NEURL1B: variants seen among roughly 807,000 people sequenced by gnomAD.
NEURL1B encodes neuralized E3 ubiquitin protein ligase 1B.
In NEURL1B, 13 loss-of-function variants were observed where a neutral mutation model predicts 37.4. That is an observed-to-expected ratio of 0.35 (90% CI 0.23 to 0.55). The LOEUF (loss-of-function observed/expected upper bound fraction) is 0.55. Among genes scored for constraint, NEURL1B ranks in the 20% least tolerant of loss-of-function variants. NEURL1B has a pLI of 0.89. For synonymous variants in NEURL1B, 432 were observed against 426.6 expected (o/e 1.01, Z -0.16); for missense variants, 790 against 879.2 (o/e 0.90, Z 1.28).
chr5:172,684,109 G>A lies in NEURL1B; in HGVS notation c.1268G>A (p.Gly423Asp), dbSNP rs1758430141. 1 of 1,263,054 alleles carries A rather than the reference G, an allele frequency of 7.9e-7. No homozygotes were observed. The allele number at this position is 1,263,054 out of a possible 1,614,324, so 78.2% of individuals were successfully genotyped here. Reference protein sequence around the residue: ...QALWAFFAVRGGVAGQLRLLG... With the variant: ...QALWAFFAVRDGVAGQLRLLG... ...CTCTGGGCCTTCTTCGCCGTGCGCGGCGGCGTCGCGGGCCAGCTGCGTCTC... is the reference window on the plus strand; with the variant it reads ...CTCTGGGCCTTCTTCGCCGTGCGCGACGGCGTCGCGGGCCAGCTGCGTCTC... Residue 423 changes from glycine (G) to aspartate (D), a missense_variant, in exon 3 of 5, where the codon GGC becomes GAC. Physicochemically the swap from Gly to Asp is moderately conservative, Grantham distance 94 (BLOSUM62 -1). Coordinates refer to ENST00000369800, the MANE Select transcript of NEURL1B (RefSeq NM_001142651.3).
Position 172,661,083 on chromosome 5 carries a change from C to T in NEURL1B, c.32-8702C>T, listed in dbSNP as rs1757892627. On this transcript the variant is annotated intron_variant, in intron 1 of 4. Transcript: ENST00000369800. The surrounding 1 kb of genome is among the most constrained non-coding windows in gnomAD (Gnocchi z 4.0). ...TTTCCTCTCTCTAGAGCACAGCCTG[C>T]CCCCCTCACCCCAACACACATGAGC... Among the ~76,000 whole-genome samples the T allele has an allele frequency of 6.6e-6, 1 of 152,150 alleles. No individual in the cohort carries two copies. The highest frequency in any genetic ancestry group is 1.5e-5 in the Non-Finnish European group (1 of 68,024).
At position 172,688,926 on chromosome 5, in the gene NEURL1B, G is replaced by A. The variant is rs556757986; in HGVS notation, c.*2001G>A. ...GACAACCGTCTCCTGTCTACACTGC[G>A]ACCCAGCCACAAGCTGTGGGGTCTC... On this transcript the variant is annotated 3_prime_UTR_variant, in exon 5 of 5. Transcript: ENST00000369800. This position sits in a 1 kb window ranked among gnomAD's most constrained non-coding sequence, Gnocchi z 4.3. The A allele has an allele frequency of 6.6e-6, 1 of 152,222 alleles. No individual in the cohort carries two copies. Among genetic ancestry groups the A allele is most frequent in the East Asian group, 1.9e-4 (1 of 5,190 alleles). 9.4% of individuals were successfully genotyped at this position (152,222 alleles called of 1,614,324 possible). A position where few individuals can be genotyped will look rare whatever the true frequency, so the allele number is the denominator to read the frequency against.
chr5:172,691,329 C>G lies in NEURL1B; in HGVS notation c.*4404C>G, dbSNP rs1354374761. Reference sequence around the variant, plus strand: ...TAAAACATGTCTTCTTTTTCTGATTCAATACTGTGACCTCTCCGATACAGT... The same window carrying G: ...TAAAACATGTCTTCTTTTTCTGATTGAATACTGTGACCTCTCCGATACAGT... On this transcript the variant is annotated 3_prime_UTR_variant, in exon 5 of 5. Transcript: ENST00000369800. 6.6e-6 allele frequency: 1 copy of G among 152,216 alleles called. No individual in the cohort carries two copies. The allele number at this position is 152,216 out of a possible 1,614,324, so 9.4% of individuals were successfully genotyped here.
At chr5:172,672,614 A>G (rs1428062909) in intron 2 of NEURL1B, among the ~76,000 whole-genome samples, 1 of 144,752 alleles carries the variant, frequency 6.9e-6, no homozygotes, top group Non-Finnish European at 1.5e-5. Context: ...AGGGAGAGGT[A>G]GAGTCTGCTG....
chr5:172,641,295 T>C lies in NEURL1B; in HGVS notation c.-112T>C. The C allele has an allele frequency of 5.1e-6, 5 of 982,606 alleles. No individual in the cohort carries two copies. Among genetic ancestry groups the C allele is most frequent in the African/African-American group, 1.7e-5 (1 of 58,864 alleles). 60.9% of individuals were successfully genotyped at this position (982,606 alleles called of 1,614,324 possible). On this transcript the variant is annotated 5_prime_UTR_variant, in exon 1 of 5. Transcript: ENST00000369800. The surrounding 1 kb of genome is among the most constrained non-coding windows in gnomAD (Gnocchi z 6.4). ...CAGCTGCCGCCCGCCGGCTCGCCCG[T>C]GCAGCTGCGATGCCCCGGAGCGTCG...
chr5:172,643,480 T>C (rs1244535195), intron 1 of NEURL1B, among the ~76,000 whole-genome samples: 1 of 152,202 alleles, frequency 6.6e-6, no homozygotes, highest in African/African-American at 2.4e-5. Flanking sequence ...CCACCCACAG[T>C]CTCATCCTTT....
At chr5:172,648,136 C>T (rs993925861) in intron 1 of NEURL1B, among the ~76,000 whole-genome samples, 1 of 152,222 alleles carries the variant, frequency 6.6e-6, no homozygotes, top group East Asian at 1.9e-4. Flanking sequence ...CCTTCCTTCT[C>T]GGGTCTGAGT....
At position 172,676,828 on chromosome 5, in the gene NEURL1B, C is replaced by T. The variant is rs113399686; in HGVS notation, c.577+6498C>T. Among the ~76,000 whole-genome samples the T allele has an allele frequency of 0.024, 3,682 of 152,320 alleles. 99 individuals are homozygous for T. Among genetic ancestry groups the T allele is most frequent in the African/African-American group, 0.067 (2,772 of 41,542 alleles). Reference sequence around the variant, plus strand: ...GCAGGAAACTCATTTGCAAACTCCACGTGGATAGAGAACTTGGCCAAGGTT... The same window carrying T: ...GCAGGAAACTCATTTGCAAACTCCATGTGGATAGAGAACTTGGCCAAGGTT... On this transcript the variant is annotated intron_variant, in intron 2 of 4. Transcript: ENST00000369800. The surrounding 1 kb of genome is among the most constrained non-coding windows in gnomAD (Gnocchi z 4.5).
At position 172,661,024 on chromosome 5, in the gene NEURL1B, T is replaced by C. The variant is rs895014114; in HGVS notation, c.32-8761T>C. Among the ~76,000 whole-genome samples, 9 of 152,308 alleles carry C rather than the reference T, an allele frequency of 5.9e-5. 1 individual carries two copies. The South Asian group carries it at 1.9e-3, about 32-fold the overall frequency. Reference sequence around the variant, plus strand: ...ACTGATATCTTGGCCCCTCTGGATATGGCGGGAAGCCTTGCTAAATACCAG... The same window carrying C: ...ACTGATATCTTGGCCCCTCTGGATACGGCGGGAAGCCTTGCTAAATACCAG... On this transcript the variant is annotated intron_variant, in intron 1 of 4. Coordinates refer to ENST00000369800, the MANE Select transcript of NEURL1B (RefSeq NM_001142651.3). The surrounding 1 kb of genome is among the most constrained non-coding windows in gnomAD (Gnocchi z 4.0).
chr5:172,653,761 CT>C (rs1194790339), intron 1 of NEURL1B, among the ~76,000 whole-genome samples: 1 of 152,166 alleles, frequency 6.6e-6, no homozygotes, highest in Non-Finnish European at 1.5e-5. Flanking sequence ...TGCACATAAA[CT>C]TTTTTCAATA....
At chr5:172,666,211 G>C (rs1371417570) in intron 1 of NEURL1B, among the ~76,000 whole-genome samples, 1 of 151,940 alleles carries the variant, frequency 6.6e-6, no homozygotes. Flanking sequence ...AAAAAAAACA[G>C]AGCTGGGATC....
chr5:172,666,391 T>G (rs1758016649), intron 1 of NEURL1B, among the ~76,000 whole-genome samples: 1 of 152,052 alleles, frequency 6.6e-6, no homozygotes, highest in East Asian at 1.9e-4. Flanking sequence ...AATGATGAAA[T>G]GCATGGCACA....
chr5:172,641,485 T>C lies in NEURL1B; in HGVS notation c.31+48T>C, dbSNP rs544431886. On this transcript the variant is annotated intron_variant, in intron 1 of 4. Coordinates refer to ENST00000369800, the MANE Select transcript of NEURL1B (RefSeq NM_001142651.3). The surrounding 1 kb of genome is among the most constrained non-coding windows in gnomAD (Gnocchi z 6.4). ...GGAGGCGGGCGCCGGGCTTCTCTCCTCCGGGGGACCCGCTGGGTGACTCTG... is the reference window on the plus strand; with the variant it reads ...GGAGGCGGGCGCCGGGCTTCTCTCCCCCGGGGGACCCGCTGGGTGACTCTG... The C allele has an allele frequency of 4.0e-4, 496 of 1,254,140 alleles. 1 individual carries two copies. The highest frequency in any genetic ancestry group is 6.1e-4 in the Middle Eastern group (2 of 3,268). The allele number at this position is 1,254,140 out of a possible 1,614,324, so 77.7% of individuals were successfully genotyped here.
At position 172,670,002 on chromosome 5, in the gene NEURL1B, G is replaced by A; in HGVS notation, c.249G>A (p.Arg83=). Residue 83 remains arginine (R), a synonymous_variant, in exon 2 of 5, where the codon CGG becomes CGA. Transcript: ENST00000369800. ...QRPIRLYEQV[R]LRLVAVRPGW... ...CCATCCGGCTGTACGAGCAGGTGCGGCTGCGCCTGGTGGCCGTGCGCCCTG... is the reference window on the plus strand; with the variant it reads ...CCATCCGGCTGTACGAGCAGGTGCGACTGCGCCTGGTGGCCGTGCGCCCTG... The A allele has an allele frequency of 6.7e-7, 1 of 1,483,136 alleles. No individual in the cohort carries two copies. Among genetic ancestry groups the A allele is most frequent in the Non-Finnish European group, 8.9e-7 (1 of 1,122,670 alleles). 91.9% of individuals were successfully genotyped at this position (1,483,136 alleles called of 1,614,324 possible). A position where few individuals can be genotyped will look rare whatever the true frequency, so the allele number is the denominator to read the frequency against.
Position 172,647,585 on chromosome 5 carries a change from C to T in NEURL1B, c.31+6148C>T, listed in dbSNP as rs1252416373. On this transcript the variant is annotated intron_variant, in intron 1 of 4. Transcript: ENST00000369800. This position sits in a 1 kb window ranked among gnomAD's most constrained non-coding sequence, Gnocchi z 4.2. ...GCTCCTCTTGCTGACTTGCTGCTGC[C>T]CCTTGTCCTCGTCCTGAGCACCTGA... Among the ~76,000 whole-genome samples the T allele has an allele frequency of 4.6e-5, 7 of 152,212 alleles. No individual in the cohort carries two copies. Among genetic ancestry groups the T allele is most frequent in the Non-Finnish European group, 1.0e-4 (7 of 68,010 alleles).
chr5:172,666,066 C>A (rs60139762), intron 1 of NEURL1B, among the ~76,000 whole-genome samples: 41,699 of 152,068 alleles, frequency 0.27, 6,489 homozygotes, highest in South Asian at 0.38. Context: ...GGTCAACAGG[C>A]AGCCTCTTGC....
At chr5:172,677,802 C>T (rs1405751344) in intron 2 of NEURL1B, among the ~76,000 whole-genome samples, 2 of 152,162 alleles carry the variant, frequency 1.3e-5, no homozygotes, top group African/African-American at 2.4e-5. Context: ...AGAAGAGCCC[C>T]GGTGGCGTCC....
intron 1 of NEURL1B, among the ~76,000 whole-genome samples, chr5:172,663,047 ACTC>A (rs1757932026): frequency 7.9e-5 from 12 of 151,120 alleles, no homozygotes; most frequent in Non-Finnish European, 1.3e-4. Context: ...AGCAACCCTG[ACTC>A]TACAAATAAT....
chr5:172,643,936 T>C (rs1344058675), intron 1 of NEURL1B, among the ~76,000 whole-genome samples: 1 of 151,876 alleles, frequency 6.6e-6, no homozygotes, highest in Non-Finnish European at 1.5e-5. Context: ...TCTTCTGCCC[T>C]CCTCCCCATG....
Sources: allele counts gnomAD v4.1 joint callset (sites outside exome capture counted in the v4.1 genomes callset), GRCh38; gene constraint gnomAD v4.1.1; non-coding constraint Gnocchi (gnomAD v3.1); transcripts MANE v1.5; gene names NCBI Gene and HGNC (gene_info 2026-07-23, HGNC 2026-07-21).